The following FRMD4B variants were observed in gnomAD, a reference collection of about 807,000 sequenced individuals.
The protein encoded by FRMD4B is FERM domain-containing protein 4B.
FRMD4B carries 74 observed loss-of-function variants against 141.5 expected under a neutral mutation model. The ratio of observed to expected loss-of-function variants is 0.52; its 90% CI spans 0.43 to 0.63. FRMD4B has a LOEUF of 0.63. Ranked by LOEUF, FRMD4B falls within the 30% of genes least tolerant of loss-of-function variation. FRMD4B has a pLI of 0.00. For synonymous variants in FRMD4B, 506 were observed against 467.9 expected (o/e 1.08, Z -1.05); for missense variants, 1,366 against 1,253.4 (o/e 1.09, Z -1.36).
chr3:69,478,338 A>G, intron 1 of FRMD4B, among the ~76,000 whole-genome samples: 1 of 152,140 alleles, frequency 6.6e-6, no homozygotes, highest in East Asian at 1.9e-4. Flanking sequence ...TCTTGTGGGC[A>G]TTTAGTGCTA....
At chr3:69,192,042 A>T (rs1559700867) in intron 17 of FRMD4B, among the ~76,000 whole-genome samples, 1 of 152,152 alleles carries the variant, frequency 6.6e-6, no homozygotes, top group Non-Finnish European at 1.5e-5. Flanking sequence ...AAAAAATAAT[A>T]AAAAAAGTAC....
intron 4 of FRMD4B, among the ~76,000 whole-genome samples, chr3:69,288,416 G>A (rs1030365606): frequency 2.0e-5 from 3 of 152,218 alleles, no homozygotes; most frequent in African/African-American, 7.2e-5. Flanking sequence ...CAGGCTCTCA[G>A]CAGCCATCAA....
intron 1 of FRMD4B, among the ~76,000 whole-genome samples, chr3:69,463,383 T>C (rs533744671): frequency 6.6e-6 from 1 of 152,368 alleles, no homozygotes; most frequent in Non-Finnish European, 1.5e-5. Context: ...CTCATAATTC[T>C]GGTCCATTGA....
chr3:69,239,318 T>C (rs1346901564), intron 7 of FRMD4B, among the ~76,000 whole-genome samples: 1 of 152,228 alleles, frequency 6.6e-6, no homozygotes, highest in Non-Finnish European at 1.5e-5. Context: ...AGAATTCCTT[T>C]GTCATTACAT....
In FRMD4B at chr3:69,448,726, GTTTACTT is replaced by G. The variant is rs562035866; in HGVS notation, c.-128-15972_-128-15966del. Among the ~76,000 whole-genome samples, 770 of 152,210 alleles carry G rather than the reference GTTTACTT, an allele frequency of 5.1e-3. 4 individuals carry two copies. Among genetic ancestry groups the G allele is most frequent in the Non-Finnish European group, 8.9e-3 (603 of 68,012 alleles). ...AAATAATTTTGTGTCTCGTGCAAGC[GTTTACTT>G]TATTGTAGAAACAATTTTGAAAAAA... On this transcript the variant is annotated intron_variant, in intron 1 of 5. Transcript: ENST00000459638.
chr3:69,455,021 G>A (rs1274566392), intron 1 of FRMD4B, among the ~76,000 whole-genome samples: 1 of 152,194 alleles, frequency 6.6e-6, no homozygotes, highest in Non-Finnish European at 1.5e-5. Flanking sequence ...TAATCTGGTG[G>A]GGACTTGGAG....
intron 1 of FRMD4B, among the ~76,000 whole-genome samples, chr3:69,325,512 G>A (rs1254063625): frequency 6.6e-6 from 1 of 152,196 alleles, no homozygotes; most frequent in Non-Finnish European, 1.5e-5. Flanking sequence ...AGGCCATCAG[G>A]AGACACCAGC....
At chr3:69,187,551 A>AT (rs1404277127) in intron 19 of FRMD4B, among the ~76,000 whole-genome samples, 15 of 88,122 alleles carry the variant, frequency 1.7e-4, no homozygotes, top group Middle Eastern at 6.5e-3. Flanking sequence ...AAAAAAAAAA[A>AT]AATATATATA....
intron 1 of FRMD4B, among the ~76,000 whole-genome samples, chr3:69,350,758 G>A (rs1207593396): frequency 6.6e-6 from 1 of 150,706 alleles, no homozygotes; most frequent in African/African-American, 2.4e-5. Context: ...CTCACTCACA[G>A]GTGGGAATTG....
At chr3:69,253,149 G>C (rs1322874280) in intron 5 of FRMD4B, among the ~76,000 whole-genome samples, 34 of 151,028 alleles carry the variant, frequency 2.3e-4, no homozygotes, top group Admixed American at 2.2e-3. Flanking sequence ...TAGTTTTGGG[G>C]CTCGCAAGGG....
At chr3:69,533,582 G>A (rs1306765002) in intron 1 of FRMD4B, among the ~76,000 whole-genome samples, 1 of 152,170 alleles carries the variant, frequency 6.6e-6, no homozygotes, top group African/African-American at 2.4e-5. Flanking sequence ...CTTTGAAAAG[G>A]GAACTTATTC....
chr3:69,253,750 C>G (rs928859131), intron 5 of FRMD4B, among the ~76,000 whole-genome samples: 7 of 152,122 alleles, frequency 4.6e-5, no homozygotes, highest in African/African-American at 7.2e-5. Flanking sequence ...CCTTGCACCT[C>G]TCTAGTACTA....
intron 1 of FRMD4B, among the ~76,000 whole-genome samples, chr3:69,462,342 G>A (rs1209373093): frequency 6.6e-6 from 1 of 152,178 alleles, no homozygotes; most frequent in Non-Finnish European, 1.5e-5. Flanking sequence ...TCCTGGAAAT[G>A]TTCCCTCTCT....
chr3:69,209,915 G>A (rs2107701811), intron 11 of FRMD4B, among the ~76,000 whole-genome samples: 1 of 152,338 alleles, frequency 6.6e-6, no homozygotes, highest in Admixed American at 6.5e-5. Context: ...ATGGTGGAAA[G>A]AAGAGCTTAG....
chr3:69,254,996 G>T (rs768253876), intron 5 of FRMD4B, among the ~76,000 whole-genome samples: 1 of 152,116 alleles, frequency 6.6e-6, no homozygotes, highest in African/African-American at 2.4e-5. Flanking sequence ...AGGTTCCAAC[G>T]TACAGGAGAC....
At chr3:69,494,811 G>A (rs1453183895) in intron 1 of FRMD4B, among the ~76,000 whole-genome samples, 2 of 152,054 alleles carry the variant, frequency 1.3e-5, no homozygotes, top group Non-Finnish European at 2.9e-5. Context: ...AGAATTGCTT[G>A]AACCCGGGAG....
chr3:69,362,867 T>G (rs6549207), intron 1 of FRMD4B, among the ~76,000 whole-genome samples: 55,698 of 151,906 alleles, frequency 0.37, 12,153 homozygotes, highest in African/African-American at 0.61. Flanking sequence ...CATCTCCAAT[T>G]TTTATTATAT....
At chr3:69,212,386 A>G (rs1273601363) in intron 11 of FRMD4B, among the ~76,000 whole-genome samples, 11 of 139,522 alleles carry the variant, frequency 7.9e-5, no homozygotes, top group East Asian at 2.0e-4. Flanking sequence ...AAAAAGAAAA[A>G]AAAAAAGAAA....
intron 3 of FRMD4B, among the ~76,000 whole-genome samples, chr3:69,305,222 T>A (rs893859905): frequency 6.6e-6 from 1 of 152,196 alleles, no homozygotes; most frequent in Non-Finnish European, 1.5e-5. Context: ...TCAGCTTTTA[T>A]AATGACTTCT....
Sources: gnomAD v4.1 joint callset for allele counts (sites outside exome capture counted in the v4.1 genomes callset) on GRCh38, gnomAD v4.1.1 for gene constraint, MANE v1.5 for transcripts, NCBI Gene and HGNC (gene_info 2026-07-23, HGNC 2026-07-21) for gene names.